PRH1: variants seen among roughly 807,000 people sequenced by gnomAD.
PRH1 encodes salivary acidic proline-rich phosphoprotein 1/2.
PRH1 carries 7 observed loss-of-function variants against 7.9 expected under a neutral mutation model. The observed-to-expected ratio is 0.89, with a 90% CI of 0.50 to 1.67. The LOEUF is 1.67. Among genes scored for constraint, PRH1 ranks in the 40% most tolerant of loss-of-function variants. The pLI is 0.00. For missense variants in PRH1, 109 were observed against 223.6 expected (o/e 0.49, Z 3.27); for synonymous variants, 45 against 80.8 (o/e 0.56, Z 2.38).
intron 1 of PRH1, among the ~76,000 whole-genome samples, chr12:11,027,485 G>A (rs1941974241): frequency 1.3e-5 from 2 of 152,104 alleles, no homozygotes; most frequent in African/African-American, 4.8e-5. Context: ...TACAGTATAT[G>A]GCATGTTGCT....
At chr12:10,997,012 C>G (rs751204938) in intron 1 of PRH1, 1 of 1,613,884 alleles carries the variant, frequency 6.2e-7, no homozygotes, top group South Asian at 1.1e-5. Context: ...AAAGAAAGGT[C>G]TGCTTTAGCG....
Position 10,882,633 on chromosome 12 carries a change from A to C in PRH1, c.166T>G (p.Ser56Ala). Residue 56 changes from serine to alanine, a missense_variant, in exon 3 of 4, where the codon TCT becomes GCT. Physicochemically the swap from Ser to Ala is moderately conservative, Grantham distance 99. Transcript: ENST00000543626. ...RQGPPLGGQQ[S>A]QPSAGDGNQD... ...TTCCCATCACCAGCAGAGGGTTGAG[A>C]TTGCTGTCCTCCCAAAGGTGGTCCC... 1 of 1,611,808 alleles carries C rather than the reference A, an allele frequency of 6.2e-7. No homozygotes were observed. The highest frequency in any genetic ancestry group is 8.5e-7 in the Non-Finnish European group (1 of 1,179,274).
intron 2 of PRH1, among the ~76,000 whole-genome samples, chr12:10,893,483 A>T (rs1399929884): frequency 6.6e-6 from 1 of 152,244 alleles, no homozygotes; most frequent in Non-Finnish European, 1.5e-5. Flanking sequence ...AGATGCCAGC[A>T]GCATCCGTCC....
At chr12:10,997,574 C>G in intron 1 of PRH1, 1 of 1,614,044 alleles carries the variant, frequency 6.2e-7, no homozygotes, top group East Asian at 2.2e-5. Context: ...TATGCTGAGG[C>G]TAGTAGCAAG....
At chr12:10,946,432 A>G (rs1215798568) in intron 2 of PRH1, among the ~76,000 whole-genome samples, 4 of 152,140 alleles carry the variant, frequency 2.6e-5, no homozygotes, top group African/African-American at 4.8e-5. Context: ...GTCTGCACAG[A>G]GGTGTTTACA....
intron 1 of PRH1, among the ~76,000 whole-genome samples, chr12:11,110,359 A>G (rs61912129): frequency 2.0e-5 from 3 of 152,140 alleles, no homozygotes; most frequent in Admixed American, 6.5e-5. Flanking sequence ...CCAAAAATAC[A>G]TAATAGTCAG....
rs1200412948 is a variant in PRH1, at chr12:11,022,330, C to T, written c.-126+24690G>A. On this transcript the variant is annotated intron_variant, in intron 1 of 3. Transcript: ENST00000539853. ...AGCCCAGGCATTAGAAGCAACAATT[C>T]TTACTTCTAAACCATATAAAGCAGA... The T allele has an allele frequency of 5.6e-6, 9 of 1,613,932 alleles. No individual in the cohort carries two copies. The South Asian group carries it at 9.9e-5, about 18-fold the overall frequency.
intron 1 of PRH1, among the ~76,000 whole-genome samples, chr12:11,150,564 G>A (rs1947044656): frequency 6.6e-6 from 1 of 152,040 alleles, no homozygotes; most frequent in African/African-American, 2.4e-5. Flanking sequence ...GTAAACTATG[G>A]CAAGGACAAA....
intron 2 of PRH1, among the ~76,000 whole-genome samples, chr12:10,971,210 T>C (rs1161322219): frequency 6.6e-6 from 1 of 152,186 alleles, no homozygotes; most frequent in Non-Finnish European, 1.5e-5. Flanking sequence ...CTCCCTACTA[T>C]CCATATTGTT....
intron 2 of PRH1, among the ~76,000 whole-genome samples, chr12:10,969,767 C>T (rs1382659215): frequency 6.6e-6 from 1 of 152,118 alleles, no homozygotes; most frequent in African/African-American, 2.4e-5. Context: ...TGGTTATTTG[C>T]ATTCTCAGCT....
At chr12:11,035,728 T>C (rs1292950812) in intron 1 of PRH1, among the ~76,000 whole-genome samples, 1 of 152,216 alleles carries the variant, frequency 6.6e-6, no homozygotes, top group African/African-American at 2.4e-5. Flanking sequence ...TAGCTTTTTT[T>C]GGATAGTATC....
intron 1 of PRH1, among the ~76,000 whole-genome samples, chr12:11,003,699 A>G (rs534801001): frequency 1.8e-4 from 27 of 152,162 alleles, no homozygotes; most frequent in Non-Finnish European, 3.5e-4. Context: ...ATAAGCAATT[A>G]TAAGAATTTA....
chr12:11,157,809 T>A (rs1018215001), intron 1 of PRH1, among the ~76,000 whole-genome samples: 5 of 152,172 alleles, frequency 3.3e-5, no homozygotes, highest in African/African-American at 1.2e-4. Flanking sequence ...ATGAAATATA[T>A]GATGATGATA....
chr12:11,157,427 G>C (rs1456675041), intron 1 of PRH1, among the ~76,000 whole-genome samples: 1 of 152,180 alleles, frequency 6.6e-6, no homozygotes, highest in African/African-American at 2.4e-5. Context: ...ATCATCAAGA[G>C]AGTATGATAT....
At chr12:10,928,318 T>A (rs1950152150) in intron 2 of PRH1, among the ~76,000 whole-genome samples, 1 of 152,206 alleles carries the variant, frequency 6.6e-6, no homozygotes, top group South Asian at 2.1e-4. Context: ...ATCATCAAGT[T>A]GAATATATAA....
intron 1 of PRH1, among the ~76,000 whole-genome samples, chr12:11,017,296 G>A (rs762117656): frequency 3.3e-5 from 5 of 151,968 alleles, no homozygotes; most frequent in Non-Finnish European, 7.4e-5. Flanking sequence ...TATTAATAAT[G>A]TTACGGTAAT....
chr12:11,107,956 G>C (rs1355929045), intron 1 of PRH1, among the ~76,000 whole-genome samples: 2 of 152,242 alleles, frequency 1.3e-5, no homozygotes, highest in African/African-American at 2.4e-5. Flanking sequence ...ACATGTGGCA[G>C]CAGACTTTTC....
At chr12:10,917,615 C>T (rs1389208859) in intron 2 of PRH1, among the ~76,000 whole-genome samples, 3 of 152,190 alleles carry the variant, frequency 2.0e-5, no homozygotes, top group Non-Finnish European at 4.4e-5. Flanking sequence ...GATGCAGTTA[C>T]GGACAGTTTT....
intron 2 of PRH1, among the ~76,000 whole-genome samples, chr12:10,956,783 A>G (rs962335664): frequency 6.6e-6 from 1 of 151,820 alleles, no homozygotes; most frequent in Non-Finnish European, 1.5e-5. Context: ...AATTCAAGCA[A>G]AGACAAATCA....
Sources: allele counts gnomAD v4.1 joint callset (sites outside exome capture counted in the v4.1 genomes callset), GRCh38; gene constraint gnomAD v4.1.1; transcripts MANE v1.5; gene names NCBI Gene and HGNC (gene_info 2026-07-23, HGNC 2026-07-21).